CTSG: variants seen among roughly 807,000 people sequenced by gnomAD.
CTSG encodes cathepsin G.
A neutral mutation model predicts 23.0 loss-of-function variants in CTSG; 23 were observed. That is an observed-to-expected ratio of 1.00 (90% CI 0.72 to 1.42). The LOEUF is 1.42. Ranked by LOEUF, CTSG falls within the 40% of genes most tolerant of loss-of-function variation. CTSG has a pLI of 0.00. For missense variants in CTSG, 312 were observed against 326.2 expected (o/e 0.96, Z 0.33); for synonymous variants, 140 against 130.4 (o/e 1.07, Z -0.50).
At position 24,573,627 on chromosome 14, in the gene CTSG, G is replaced by C; in HGVS notation, c.*10C>G. ...TGGAGCTGGCCTGTGTCCCCGAGAAGAAGAGTCAGTCACAGGGGGGTCTCC... is the reference window on the plus strand; with the variant it reads ...TGGAGCTGGCCTGTGTCCCCGAGAACAAGAGTCAGTCACAGGGGGGTCTCC... On this transcript the variant is annotated 3_prime_UTR_variant, in exon 5 of 5. Coordinates refer to ENST00000216336, the MANE Select transcript of CTSG (RefSeq NM_001911.3). The C allele has an allele frequency of 6.2e-7, 1 of 1,610,638 alleles. No individual in the cohort carries two copies. The highest frequency in any genetic ancestry group is 8.5e-7 in the Non-Finnish European group (1 of 1,177,842).
chr14:24,574,828 A>T lies in CTSG; in HGVS notation c.204-18T>A. 6.2e-7 allele frequency: 1 copy of T among 1,612,844 alleles called. No individual in the cohort carries two copies. Among genetic ancestry groups the T allele is most frequent in the South Asian group, 1.1e-5 (1 of 91,032 alleles). On this transcript the variant is annotated intron_variant, in intron 2 of 4. Transcript: ENST00000216336. ...TTATATTGCTGCAAAAGCAAGAGGTAGGTCTGGGCTGCAGGAGCTATGGTC... is the reference window on the plus strand; with the variant it reads ...TTATATTGCTGCAAAAGCAAGAGGTTGGTCTGGGCTGCAGGAGCTATGGTC...
At position 24,573,699 on chromosome 14, in the gene CTSG, G is replaced by C. The variant is rs2066725947; in HGVS notation, c.706C>G (p.Pro236Ala). ...CTTCTCATTGTTGTCCTTATCCAGG[G>C]CAGGAAACTTGAGACCCTGGTGAAG... ...EVFTRVSSFL[P>A]WIRTTMRSFK... The change falls in exon 5 of 5, where the codon CCC becomes GCC. Residue 236 changes from proline to alanine, a missense_variant. Coordinates refer to ENST00000216336, the MANE Select transcript of CTSG (RefSeq NM_001911.3). The C allele has an allele frequency of 6.2e-7, 1 of 1,614,104 alleles. No individual in the cohort carries two copies. Among genetic ancestry groups the C allele is most frequent in the Non-Finnish European group, 8.5e-7 (1 of 1,180,032 alleles).
intron 3 of CTSG, 33 bp downstream of exon 3, chr14:24,574,642 T>G (rs1160236266): frequency 2.5e-6 from 4 of 1,613,862 alleles, no homozygotes; most frequent in Non-Finnish European, 3.4e-6. Flanking sequence ...CCGGACACAC[T>G]AGGAAGGAGC....
chr14:24,575,215 C>G, intron 2 of CTSG, 50 bp downstream of exon 2: 4 of 1,610,196 alleles, frequency 2.5e-6, no homozygotes, highest in African/African-American at 1.3e-5. Context: ...CACCGAAGAG[C>G]TCCGCAGGGC....
rs2066733756 is a variant in CTSG at position 24,574,818 on chromosome 14, AG to A, written c.204-9del. On this transcript the variant is annotated splice_polypyrimidine_tract_variant and intron_variant, in intron 2 of 4. Coordinates refer to ENST00000216336, the MANE Select transcript of CTSG (RefSeq NM_001911.3). ...AGGGTGACATTTATATTGCTGCAAA[AG>A]CAAGAGGTAGGTCTGGGCTGCAGGA... is the stretch of plus-strand genomic sequence containing the variant. 1 of 1,613,082 alleles carries A rather than the reference AG, an allele frequency of 6.2e-7. No individual in the cohort carries two copies. Among genetic ancestry groups the A allele is most frequent in the Non-Finnish European group, 8.5e-7 (1 of 1,180,022 alleles).
intron 2 of CTSG, 25 bp downstream of exon 2, chr14:24,575,240 G>C (rs2138451449): frequency 6.2e-7 from 1 of 1,613,614 alleles, no homozygotes; most frequent in Non-Finnish European, 8.5e-7. Context: ...TTCCTGGCTG[G>C]CCAGGAAGTT....
Position 24,573,540 on chromosome 14 carries a change from G to T in CTSG, c.*97C>A. ...AACTAAGTACTGAATGACGTTTAAT[G>T]AACAAATGAGGAATTGGTTATTTAT... On this transcript the variant is annotated 3_prime_UTR_variant, in exon 5 of 5. Transcript: ENST00000216336. The T allele has an allele frequency of 2.4e-6, 3 of 1,233,750 alleles. No homozygotes were observed. The highest frequency in any genetic ancestry group is 2.0e-4 in the Middle Eastern group (1 of 4,944). The allele number at this position is 1,233,750 out of a possible 1,614,324, so 76.4% of individuals were successfully genotyped here.
At chr14:24,574,534 G>C in intron 3 of CTSG, 35 bp from the exon 4 acceptor site, 2 of 1,612,652 alleles carry the variant, frequency 1.2e-6, no homozygotes, top group Non-Finnish European at 1.7e-6. Context: ...CGCTCAGCTG[G>C]GGCCTCCAGC....
intron 3 of CTSG, 85 bp from the exon 4 acceptor site, chr14:24,574,584 C>A (rs2066731934): frequency 1.9e-6 from 3 of 1,610,772 alleles, no homozygotes; most frequent in Non-Finnish European, 2.5e-6. Flanking sequence ...CATCCCATGC[C>A]CTCCCCGCCA....
In CTSG at chr14:24,574,441, T is replaced by G. The variant is rs2066730801; in HGVS notation, c.398A>C (p.Gln133Pro). ...CAGCGTCCCGGGTCTCAGTCCCTCCTGGGCTCTAGGCAGAGCCACTGGGTT... is the reference window on the plus strand; with the variant it reads ...CAGCGTCCCGGGTCTCAGTCCCTCCGGGGCTCTAGGCAGAGCCACTGGGTT... ...NVNPVALPRA[Q>P]EGLRPGTLCT... Residue 133 changes from glutamine to proline, a missense_variant, in exon 4 of 5, where the codon CAG (glutamine) becomes CCG (proline). Coordinates refer to ENST00000216336, the MANE Select transcript of CTSG (RefSeq NM_001911.3). 5 of 1,613,822 alleles carry G rather than the reference T, an allele frequency of 3.1e-6. No individual in the cohort carries two copies. In the African/African-American group the frequency reaches 4.0e-5, roughly 13 times the overall value.
rs778878848 is a variant in CTSG, at chr14:24,573,638, C to T, written c.767G>A (p.Ter256=). The change falls in exon 5 of 5, where the codon TGA becomes TAA. Residue 256 remains the stop codon, a stop_retained_variant. Transcript: ENST00000216336. ...KLLDQMETPL[*] ...TGTGTCCCCGAGAAGAAGAGTCAGT[C>T]ACAGGGGGGTCTCCATCTGATCCAG... 1 of 1,612,976 alleles carries T rather than the reference C, an allele frequency of 6.2e-7. No individual in the cohort carries two copies. Among genetic ancestry groups the T allele is most frequent in the Non-Finnish European group, 8.5e-7 (1 of 1,179,322 alleles).
At position 24,576,183 on chromosome 14, in the gene CTSG, G is replaced by A. The variant is rs747450539; in HGVS notation, c.41C>T (p.Thr14Ile). The part of the protein sequence containing the change: ...LLLLLAFLLP[T>I]GAEAGEIIGG... Reference sequence around the variant, plus strand: ...TGGTCACTCACCTGCCTCAGCCCCAGTGGGTAGGAGAAAGGCCAGCAGAAG... The same window carrying A: ...TGGTCACTCACCTGCCTCAGCCCCAATGGGTAGGAGAAAGGCCAGCAGAAG... Residue 14 changes from threonine to isoleucine, a missense_variant, in exon 1 of 5, where the codon ACT becomes ATT. Transcript: ENST00000216336. 2 of 1,610,692 alleles carry A rather than the reference G, an allele frequency of 1.2e-6. No individual in the cohort carries two copies. Among genetic ancestry groups the A allele is most frequent in the Non-Finnish European group, 8.5e-7 (1 of 1,178,626 alleles).
Position 24,573,750 on chromosome 14 carries a change from T to A in CTSG, c.655A>T (p.Lys219Ter). Residue 219 changes from lysine to a stop codon, truncating the protein, a stop_gained, in exon 5 of 5, where the codon AAG becomes TAG. Transcript: ENST00000216336. LOFTEE classifies it low-confidence loss of function (END_TRUNC). ...NVAHGIVSYGKSSGVPPEVFT... is the reference protein window; with the variant it reads ...NVAHGIVSYG ...ACTTCTGGAGGAACCCCTGACGACT[T>A]TCCATAGGAGACGATGCCGTGGGCC... The A allele has an allele frequency of 6.2e-7, 1 of 1,614,082 alleles. No individual in the cohort carries two copies. The highest frequency in any genetic ancestry group is 8.5e-7 in the Non-Finnish European group (1 of 1,179,988).
rs1594807024 is a variant in CTSG, at chr14:24,574,594, A to G, written c.339+81T>C. On this transcript the variant is annotated intron_variant, in intron 3 of 4. Coordinates refer to ENST00000216336, the MANE Select transcript of CTSG (RefSeq NM_001911.3). Reference sequence around the variant, plus strand: ...GTACACATCCCATGCCCTCCCCGCCACCCCGGAGCCTTGCCCTCACTTCCT... The same window carrying G: ...GTACACATCCCATGCCCTCCCCGCCGCCCCGGAGCCTTGCCCTCACTTCCT... 9 of 1,611,022 alleles carry G rather than the reference A, an allele frequency of 5.6e-6. No individual in the cohort carries two copies. In the East Asian group the frequency reaches 8.9e-5, roughly 16 times the overall value.
chr14:24,574,980 A>T, intron 2 of CTSG, 170 bp from the exon 3 acceptor site: 1 of 837,990 alleles, frequency 1.2e-6, no homozygotes, highest in Non-Finnish European at 1.8e-6. Context: ...GCTAGGGATG[A>T]CAGGGTGGTA....
At chr14:24,574,587 C>A in intron 3 of CTSG, 88 bp from the exon 4 acceptor site, 2 of 1,610,618 alleles carry the variant, frequency 1.2e-6, no homozygotes, top group Non-Finnish European at 1.7e-6. Flanking sequence ...CCCATGCCCT[C>A]CCCGCCACCC....
Position 24,574,230 on chromosome 14 carries a change from A to G in CTSG, c.594+15T>C. 1 of 1,599,340 alleles carries G rather than the reference A, an allele frequency of 6.3e-7. No homozygotes were observed. Among genetic ancestry groups the G allele is most frequent in the East Asian group, 2.2e-5 (1 of 44,850 alleles). On this transcript the variant is annotated intron_variant, in intron 4 of 4. Coordinates refer to ENST00000216336, the MANE Select transcript of CTSG (RefSeq NM_001911.3). ...CCTCTCTCCCGGGGTGTGTTGGCCAATGCCCATGCCTTACCTTGAAGGCAG... is the reference window on the plus strand; with the variant it reads ...CCTCTCTCCCGGGGTGTGTTGGCCAGTGCCCATGCCTTACCTTGAAGGCAG...
chr14:24,574,706 C>G lies in CTSG; in HGVS notation c.308G>C (p.Arg103Pro), dbSNP rs1475145065. ...RAIRHPQYNQ[R>P]TIQNDIMLLQ... ...TAACATGATGTCATTCTGGATGGTC[C>G]GCTGATTATATTGAGGGTGGCGGAT... The change falls in exon 3 of 5, where the codon CGG becomes CCG. Residue 103 changes from arginine (R) to proline (P), a missense_variant. Physicochemically the swap from Arg to Pro is moderately radical, Grantham distance 103. Transcript: ENST00000216336. 2 of 1,614,128 alleles carry G rather than the reference C, an allele frequency of 1.2e-6. No homozygotes were observed. The highest frequency in any genetic ancestry group is 2.2e-5 in the South Asian group (2 of 91,080).
At position 24,574,269 on chromosome 14, in the gene CTSG, C is replaced by G. The variant is rs2138449969; in HGVS notation, c.570G>C (p.Arg190=). ...DPRRQICVGD[R]RERKAAFKGD... ...CCTTGAAGGCAGCCTTCCGTTCCCG[C>G]CGGTCCCCCACACAAATCTGCCTTC... Residue 190 remains arginine, a synonymous_variant, in exon 4 of 5, where the codon CGG becomes CGC. Transcript: ENST00000216336. 6.3e-7 allele frequency: 1 copy of G among 1,599,962 alleles called. No homozygotes were observed.
Sources: allele counts gnomAD v4.1 joint callset, GRCh38; gene constraint gnomAD v4.1.1; transcripts MANE v1.5; gene names NCBI Gene and HGNC (gene_info 2026-07-23, HGNC 2026-07-21).